The following CCDC148 variants were observed in gnomAD, a reference collection of about 807,000 sequenced individuals.
CCDC148 encodes coiled-coil domain-containing protein 148.
A neutral mutation model predicts 85.7 loss-of-function variants in CCDC148; 89 were observed. That is an observed-to-expected ratio of 1.04 (90% CI 0.87 to 1.24). The LOEUF is 1.24. Ranked by LOEUF, CCDC148 falls within the 50% of genes most tolerant of loss-of-function variation. CCDC148 has a pLI of 0.00. For synonymous variants in CCDC148, 230 were observed against 213.9 expected, an observed-to-expected ratio of 1.08 and a Z score of -0.66; for missense variants, 692 against 671.7, an observed-to-expected ratio of 1.03 and a Z score of -0.33.
At chr2:158,258,713 T>C (rs1165927875) in intron 9 of CCDC148, among the ~76,000 whole-genome samples, 1 of 151,812 alleles carries the variant, frequency 6.6e-6, no homozygotes, top group Non-Finnish European at 1.5e-5. Flanking sequence ...TCTATCTCCA[T>C]AACCACCACC....
chr2:158,314,348 T>G (rs1016890265), intron 7 of CCDC148, among the ~76,000 whole-genome samples: 1 of 152,178 alleles, frequency 6.6e-6, no homozygotes, highest in Non-Finnish European at 1.5e-5. Flanking sequence ...AAAGACAGAC[T>G]GAGGAAGAGA....
At chr2:158,277,562 T>A (rs553784111) in intron 9 of CCDC148, among the ~76,000 whole-genome samples, 6 of 152,190 alleles carry the variant, frequency 3.9e-5, no homozygotes, top group Admixed American at 6.5e-5. Context: ...ATGGCCCCTT[T>A]CAATACTCAC....
intron 10 of CCDC148, among the ~76,000 whole-genome samples, chr2:158,223,185 T>C (rs1225699714): frequency 2.0e-5 from 3 of 152,160 alleles, no homozygotes; most frequent in Non-Finnish European, 4.4e-5. Context: ...TCGCCTGGCT[T>C]GGAGGGTCCT....
rs1169490104 is a variant in CCDC148, at chr2:158,437,004, A to C, written c.25+19411T>G. Among the ~76,000 whole-genome samples the C allele has an allele frequency of 2.0e-5, 3 of 152,162 alleles. No individual in the cohort carries two copies. The South Asian group carries it at 6.2e-4, about 32-fold the overall frequency. ...TAATTAATAGCTTACAAACCAAAAA[A>C]AGTCCAGGACCAGATGGATTCACAG... is the stretch of plus-strand genomic sequence containing the variant. On this transcript the variant is annotated intron_variant, in intron 1 of 13. Coordinates refer to ENST00000283233, the MANE Select transcript of CCDC148 (RefSeq NM_138803.4).
intron 9 of CCDC148, among the ~76,000 whole-genome samples, chr2:158,263,736 T>C (rs778571951): frequency 9.2e-4 from 140 of 152,058 alleles, no homozygotes; most frequent in Non-Finnish European, 1.8e-3. Context: ...AAAAATAAAA[T>C]ATCTAGTACA....
intron 9 of CCDC148, among the ~76,000 whole-genome samples, chr2:158,301,555 G>A (rs1386525602): frequency 1.3e-5 from 2 of 152,200 alleles, no homozygotes; most frequent in Non-Finnish European, 1.5e-5. Flanking sequence ...GGAATCACGA[G>A]GAGGCTTAGT....
At chr2:158,397,422 C>A (rs1178672837) in intron 1 of CCDC148, among the ~76,000 whole-genome samples, 1 of 152,102 alleles carries the variant, frequency 6.6e-6, no homozygotes, top group Non-Finnish European at 1.5e-5. Flanking sequence ...AGACTAACAG[C>A]GGATCTCTCT....
chr2:158,318,802 C>T (rs754682966), intron 7 of CCDC148, among the ~76,000 whole-genome samples: 2 of 151,616 alleles, frequency 1.3e-5, no homozygotes, highest in Non-Finnish European at 2.9e-5. Context: ...CAGGGTCTCG[C>T]TGTGTCACCC....
chr2:158,439,035 A>C (rs1325964321), intron 1 of CCDC148, among the ~76,000 whole-genome samples: 3 of 152,232 alleles, frequency 2.0e-5, no homozygotes, highest in South Asian at 2.1e-4. Flanking sequence ...GTGGGACTGT[A>C]AACTAGTTCA....
At chr2:158,382,520 T>C (rs777235824) in intron 1 of CCDC148, among the ~76,000 whole-genome samples, 3 of 152,154 alleles carry the variant, frequency 2.0e-5, no homozygotes, top group Admixed American at 2.0e-4. Context: ...TATTAACTTA[T>C]TTGCTCCAAG....
intron 9 of CCDC148, among the ~76,000 whole-genome samples, chr2:158,286,863 A>C (rs1690651615): frequency 6.6e-6 from 1 of 152,182 alleles, no homozygotes; most frequent in African/African-American, 2.4e-5. Flanking sequence ...TTAGAGGCAA[A>C]ATAATAAAGC....
intron 11 of CCDC148, among the ~76,000 whole-genome samples, chr2:158,183,787 T>G (rs13398377): frequency 1.3e-5 from 2 of 151,962 alleles, no homozygotes; most frequent in Admixed American, 6.6e-5. Flanking sequence ...AGGCATGTGC[T>G]GGAGGTGCTA....
At chr2:158,379,781 A>G (rs1001177053) in intron 1 of CCDC148, among the ~76,000 whole-genome samples, 1 of 152,130 alleles carries the variant, frequency 6.6e-6, no homozygotes, top group Non-Finnish European at 1.5e-5. Flanking sequence ...AGATATGTAC[A>G]TTATTTTTTA....
intron 9 of CCDC148, among the ~76,000 whole-genome samples, chr2:158,275,305 T>C (rs1455324057): frequency 1.3e-5 from 2 of 152,218 alleles, no homozygotes; most frequent in African/African-American, 2.4e-5. Context: ...TCTTATAAGA[T>C]AGCTCTGATG....
intron 1 of CCDC148, among the ~76,000 whole-genome samples, chr2:158,419,356 A>AT (rs1408180530): frequency 1.3e-5 from 2 of 152,200 alleles, no homozygotes; most frequent in Non-Finnish European, 2.9e-5. Context: ...TAATTTTGTG[A>AT]TTGAGTTTTA....
intron 11 of CCDC148, among the ~76,000 whole-genome samples, chr2:158,185,139 G>A (rs1685093753): frequency 6.6e-6 from 1 of 152,120 alleles, no homozygotes; most frequent in Non-Finnish European, 1.5e-5. Context: ...ACATTCCAGA[G>A]CAGGACCTTT....
chr2:158,358,530 G>C lies in CCDC148; in HGVS notation c.66C>G (p.Ile22Met). The C allele has an allele frequency of 1.3e-6, 2 of 1,597,490 alleles. No homozygotes were observed. Among genetic ancestry groups the C allele is most frequent in the Non-Finnish European group, 1.7e-6 (2 of 1,173,370 alleles). ...VFHMKNEMRNIKYKPVDYQQL... is the reference protein window; with the variant it reads ...VFHMKNEMRNMKYKPVDYQQL... ...GTTGATAGTCTACTGGTTTGTACTTGATGTTTCTCATCTCATTTTTCATAT... is the reference window on the plus strand; with the variant it reads ...GTTGATAGTCTACTGGTTTGTACTTCATGTTTCTCATCTCATTTTTCATAT... Residue 22 changes from isoleucine to methionine, a missense_variant, in exon 2 of 14, where the codon ATC becomes ATG. By Grantham distance (10) the Ile-to-Met change is conservative. Transcript: ENST00000283233.
rs541954337 is a variant in CCDC148, at chr2:158,219,387, C to T, written c.1370+1208G>A. On this transcript the variant is annotated intron_variant, in intron 11 of 13. Transcript: ENST00000283233. ...AAATCCACCCTTCATTGTCTGCTCT[C>T]TGAAAATGGAGGTGGACCCTCTATC... 6.6e-5 allele frequency among the ~76,000 whole-genome samples: 10 copies of T among 152,320 alleles called. No individual in the cohort carries two copies. The South Asian group carries it at 8.3e-4, about 13-fold the overall frequency.
intron 2 of CCDC148, among the ~76,000 whole-genome samples, chr2:158,356,717 A>C (rs1276595009): frequency 2.6e-4 from 39 of 147,210 alleles, no homozygotes; most frequent in East Asian, 1.2e-3. Context: ...TTGACCCAGC[A>C]ATCCCATTAC....
Sources: allele counts gnomAD v4.1 joint callset (sites outside exome capture counted in the v4.1 genomes callset), GRCh38; gene constraint gnomAD v4.1.1; transcripts MANE v1.5; gene names NCBI Gene and HGNC (gene_info 2026-07-23, HGNC 2026-07-21).